Variants in PCDH15 observed in about 807,000 individuals in gnomAD.
The protein encoded by PCDH15 is protocadherin related 15.
In PCDH15, 129 loss-of-function variants were observed where a neutral mutation model predicts 178.5. The ratio of observed to expected loss-of-function variants is 0.72; its 90% CI spans 0.63 to 0.84. The LOEUF (loss-of-function observed/expected upper bound fraction) is 0.84, where lower values mean the gene tolerates loss of function less well. PCDH15 is among the 40% of genes least tolerant of loss of function. PCDH15 has a pLI of 0.00. For synonymous variants in PCDH15, 800 were observed against 732.0 expected, an observed-to-expected ratio of 1.09 and a Z score of -1.50; for missense variants, 2,230 against 2,099.9, an observed-to-expected ratio of 1.06 and a Z score of -1.21.
chr10:55,111,537 A>T (rs1022616655), intron 2 of PCDH15, among the ~76,000 whole-genome samples: 1 of 152,188 alleles, frequency 6.6e-6, no homozygotes, highest in Non-Finnish European at 1.5e-5. Flanking sequence ...CTATTTAAAA[A>T]AAAAAAATTT....
intron 25 of PCDH15, among the ~76,000 whole-genome samples, chr10:53,919,681 A>T (rs1044795315): frequency 6.6e-6 from 1 of 152,180 alleles, no homozygotes; most frequent in Non-Finnish European, 1.5e-5. Context: ...TATGGCCTTA[A>T]ATTTGAGTCA....
At chr10:53,899,534 A>C (rs1346655840) in intron 26 of PCDH15, among the ~76,000 whole-genome samples, 1 of 152,124 alleles carries the variant, frequency 6.6e-6, no homozygotes. Context: ...TTCTTACACA[A>C]AGCACATATT....
At chr10:54,920,399 G>T (rs1204640983) in intron 2 of PCDH15, among the ~76,000 whole-genome samples, 1 of 149,290 alleles carries the variant, frequency 6.7e-6, no homozygotes, top group East Asian at 2.0e-4. Flanking sequence ...AACCCGGGAG[G>T]CGGAGCTTGC....
chr10:55,357,962 A>C (rs993988435), intron 2 of PCDH15, among the ~76,000 whole-genome samples: 1 of 152,072 alleles, frequency 6.6e-6, no homozygotes, highest in African/African-American at 2.4e-5. Flanking sequence ...GTGCCAAGAA[A>C]ATCACTCTTA....
chr10:53,930,771 C>A lies in PCDH15; in HGVS notation c.3373+8044G>T, dbSNP rs190058509. 6.4e-3 allele frequency among the ~76,000 whole-genome samples: 975 copies of A among 152,202 alleles called. 2 individuals carry two copies. Among genetic ancestry groups the A allele is most frequent in the Admixed American group, 9.7e-3 (148 of 15,290 alleles). On this transcript the variant is annotated intron_variant, in intron 25 of 37. Coordinates refer to ENST00000644397, the MANE Select transcript of PCDH15 (RefSeq NM_001384140.1). ...CGTTTCTTCCCTACTACATAAACCCCCTAGCTTTAGTCAATCAGGGAGATG... is the reference window on the plus strand; with the variant it reads ...CGTTTCTTCCCTACTACATAAACCCACTAGCTTTAGTCAATCAGGGAGATG...
chr10:54,844,665 C>A (rs1368145192), intron 3 of PCDH15, among the ~76,000 whole-genome samples: 2 of 151,726 alleles, frequency 1.3e-5, no homozygotes, highest in East Asian at 1.9e-4. Context: ...AATATGTATC[C>A]ACATGCAGCA....
chr10:53,821,887 G>T (rs1457208099), intron 32 of PCDH15: 2 of 1,613,428 alleles, frequency 1.2e-6, no homozygotes, highest in Non-Finnish European at 1.7e-6. Flanking sequence ...CTGTGAGATT[G>T]TTTTTCAGTT....
At chr10:55,611,632 A>T (rs1166986656) in intron 2 of PCDH15, among the ~76,000 whole-genome samples, 3 of 152,064 alleles carry the variant, frequency 2.0e-5, no homozygotes, top group African/African-American at 7.2e-5. Flanking sequence ...TTACTATATG[A>T]CCCAGAAATT....
intron 2 of PCDH15, among the ~76,000 whole-genome samples, chr10:55,133,647 A>T (rs908595802): frequency 6.6e-6 from 1 of 152,118 alleles, no homozygotes; most frequent in African/African-American, 2.4e-5. Flanking sequence ...ATAGCTAACA[A>T]TCAATATTGT....
At chr10:54,405,559 G>A (rs1343143826) in intron 3 of PCDH15, among the ~76,000 whole-genome samples, 1 of 151,508 alleles carries the variant, frequency 6.6e-6, no homozygotes, top group African/African-American at 2.4e-5. Context: ...AGGAGGGTGA[G>A]GATCAGGAAG....
chr10:54,476,760 T>C (rs1384087052), intron 3 of PCDH15, among the ~76,000 whole-genome samples: 2 of 152,132 alleles, frequency 1.3e-5, no homozygotes, highest in Non-Finnish European at 1.5e-5. Context: ...CAGGTTCTTT[T>C]TGTGGTCATC....
intron 1 of PCDH15, among the ~76,000 whole-genome samples, chr10:54,672,082 A>G (rs2094685485): frequency 6.6e-6 from 1 of 152,050 alleles, no homozygotes; most frequent in Admixed American, 6.6e-5. Context: ...GTTCCTTACG[A>G]GAATCTAATG....
intron 1 of PCDH15, among the ~76,000 whole-genome samples, chr10:55,198,810 T>C (rs1002607360): frequency 6.6e-6 from 1 of 151,972 alleles, no homozygotes; most frequent in African/African-American, 2.4e-5. Context: ...AAGTACTGTG[T>C]AGTGCTTCCC....
chr10:54,096,658 G>C (rs1014078165), intron 15 of PCDH15, among the ~76,000 whole-genome samples: 18 of 152,142 alleles, frequency 1.2e-4, no homozygotes, highest in African/African-American at 4.3e-4. Context: ...AGTAGAAACA[G>C]AGAGCTCTGG....
chr10:54,065,850 C>T (rs1405237105), intron 18 of PCDH15, among the ~76,000 whole-genome samples: 3 of 152,214 alleles, frequency 2.0e-5, no homozygotes, highest in African/African-American at 4.8e-5. Context: ...CAACCCTCTC[C>T]TTTTGCAGTT....
chr10:55,277,748 T>C (rs1425113019), intron 1 of PCDH15, among the ~76,000 whole-genome samples: 3 of 152,128 alleles, frequency 2.0e-5, no homozygotes, highest in African/African-American at 7.2e-5. Context: ...AAGCAACAGC[T>C]CTATTATGCT....
At chr10:54,872,839 A>T (rs1266283055) in intron 3 of PCDH15, among the ~76,000 whole-genome samples, 1 of 152,094 alleles carries the variant, frequency 6.6e-6, no homozygotes, top group Non-Finnish European at 1.5e-5. Context: ...ATAAAACATA[A>T]TCTTTGACAT....
chr10:55,503,391 T>A (rs1313786082), intron 2 of PCDH15, among the ~76,000 whole-genome samples: 1 of 148,396 alleles, frequency 6.7e-6, no homozygotes, highest in Admixed American at 6.8e-5. Flanking sequence ...GCTAAATAAT[T>A]TAAAATTATA....
chr10:55,242,691 AG>A (rs1841581367), intron 1 of PCDH15, among the ~76,000 whole-genome samples: 1 of 147,266 alleles, frequency 6.8e-6, no homozygotes, highest in South Asian at 2.2e-4. Context: ...AAAATACAAA[AG>A]AAAAAAAAAG....
Sources: gnomAD v4.1 joint callset for allele counts (sites outside exome capture counted in the v4.1 genomes callset) on GRCh38, gnomAD v4.1.1 for gene constraint, MANE v1.5 for transcripts, NCBI Gene and HGNC (gene_info 2026-07-23, HGNC 2026-07-21) for gene names.